Variants in HLCS observed in about 807,000 individuals in gnomAD.
HLCS encodes the protein biotin--protein ligase.
In HLCS, 53 loss-of-function variants were observed where a neutral mutation model predicts 75.0. The observed-to-expected ratio is 0.71, with a 90% CI of 0.57 to 0.89. The LOEUF (loss-of-function observed/expected upper bound fraction) is 0.89. HLCS is among the 40% of genes least tolerant of loss of function. The probability of loss-of-function intolerance (pLI) is 0.00; values close to 1 mark genes in which losing one functional copy is unlikely to be tolerated. For missense variants in HLCS, 966 were observed against 1,074.0 expected (o/e 0.90, Z 1.41); for synonymous variants, 431 against 428.6 (o/e 1.01, Z -0.07).
upstream of HLCS, among the ~76,000 whole-genome samples, chr21:36,970,584 G>T (rs1182920112): frequency 6.6e-6 from 1 of 152,084 alleles, no homozygotes; most frequent in Non-Finnish European, 1.5e-5. Flanking sequence ...GCCCAGGCTT[G>T]TCTCGAACTC....
intron 5 of HLCS, among the ~76,000 whole-genome samples, chr21:36,902,777 G>A (rs1240644727): frequency 1.3e-5 from 2 of 152,218 alleles, no homozygotes; most frequent in African/African-American, 4.8e-5. Context: ...GCAGCTGGAA[G>A]CATTTGAGCA....
At chr21:36,817,852 C>T (rs1009200745) in intron 6 of HLCS, among the ~76,000 whole-genome samples, 9 of 152,242 alleles carry the variant, frequency 5.9e-5, no homozygotes, top group African/African-American at 1.9e-4. Flanking sequence ...CGATCCTACA[C>T]ATCAAACCCT....
intron 1 of HLCS, 95 bp downstream of exon 1, chr21:36,966,349 C>A: frequency 5.1e-6 from 3 of 587,830 alleles, no homozygotes; most frequent in South Asian, 7.4e-5. Context: ...CTCCGGGGCT[C>A]CCGAACTCCC....
In HLCS at chr21:36,959,225, A is replaced by G. The variant is rs1230940851; in HGVS notation, c.330+2811T>C. ...CTCCCTGTGCCCGCTCTGATTCTGGAGCAAAATTGAAGCTGAGCCTGGGCG... is the reference window on the plus strand; with the variant it reads ...CTCCCTGTGCCCGCTCTGATTCTGGGGCAAAATTGAAGCTGAGCCTGGGCG... On this transcript the variant is annotated intron_variant, in intron 2 of 10. Coordinates refer to ENST00000674895, the MANE Select transcript of HLCS (RefSeq NM_001352514.2). Among the ~76,000 whole-genome samples, 3 of 152,156 alleles carry G rather than the reference A, an allele frequency of 2.0e-5. No individual in the cohort carries two copies. In the East Asian group the frequency reaches 5.8e-4, roughly 29 times the overall value.
In HLCS at chr21:36,888,444, AAATATATATATATATAT is replaced by A. The variant is rs1244915877; in HGVS notation, c.1892+8399_1892+8415del. 6.2e-3 allele frequency among the ~76,000 whole-genome samples: 158 copies of A among 25,520 alleles called. 7 individuals carry two copies. The highest frequency in any genetic ancestry group is 0.017 in the South Asian group (14 of 804). 16.7% of individuals were successfully genotyped at this position (25,520 alleles called of 152,430 possible). A position where few individuals can be genotyped will look rare whatever the true frequency, so the allele number is the denominator to read the frequency against. On this transcript the variant is annotated intron_variant, in intron 6 of 10. Coordinates refer to ENST00000674895, the MANE Select transcript of HLCS (RefSeq NM_001352514.2). ...CCCCCTTCCCATTTAAAAAAAAAAA[AAATATATATATATATAT>A]ATATATATATATATATATATATATA...
At chr21:36,958,253 A>AG (rs55813310) in intron 2 of HLCS, among the ~76,000 whole-genome samples, 4 of 135,938 alleles carry the variant, frequency 2.9e-5, no homozygotes, top group South Asian at 2.4e-4. Context: ...AAAAAAAAAA[A>AG]AAAGAAAGAA....
intron 6 of HLCS, among the ~76,000 whole-genome samples, chr21:36,778,718 A>G (rs538050419): frequency 5.3e-5 from 8 of 152,314 alleles, no homozygotes; most frequent in African/African-American, 1.9e-4. Context: ...TAATTTATTT[A>G]TATCAGAGTA....
intron 7 of HLCS, 121 bp from the exon 8 acceptor site, chr21:36,765,293 C>A (rs2089994124): frequency 1.1e-6 from 1 of 932,998 alleles, no homozygotes; most frequent in Non-Finnish European, 1.7e-6. Flanking sequence ...TATTGTATTA[C>A]AACGCTTATT....
At chr21:36,915,846 C>T (rs1008823396) in intron 5 of HLCS, among the ~76,000 whole-genome samples, 3 of 151,826 alleles carry the variant, frequency 2.0e-5, no homozygotes, top group Non-Finnish European at 4.4e-5. Flanking sequence ...TGCGGGCAGC[C>T]GCTCGGGCAG....
At chr21:36,972,641 C>T (rs1312000981) in intron 1 of HLCS, among the ~76,000 whole-genome samples, 1 of 152,154 alleles carries the variant, frequency 6.6e-6, no homozygotes. Flanking sequence ...TTGAAAGAAG[C>T]AAAGCCATAG....
At chr21:36,762,300 T>G (rs981566699) in intron 8 of HLCS, among the ~76,000 whole-genome samples, 2 of 151,990 alleles carry the variant, frequency 1.3e-5, no homozygotes. Context: ...AGAATGGCAC[T>G]GGAGCTGGGC....
chr21:36,791,261 C>T (rs1158355673), intron 6 of HLCS, among the ~76,000 whole-genome samples: 6 of 152,110 alleles, frequency 3.9e-5, no homozygotes, highest in African/African-American at 1.2e-4. Flanking sequence ...AACATGCAGA[C>T]CCCCACCCCT....
chr21:36,863,353 A>G (rs1050505125), intron 6 of HLCS, among the ~76,000 whole-genome samples: 4 of 152,112 alleles, frequency 2.6e-5, no homozygotes, highest in African/African-American at 9.7e-5. Context: ...ACTGAGAAGG[A>G]ATCAGATGGA....
At chr21:36,981,336 C>T (rs1302224162) in intron 1 of HLCS, among the ~76,000 whole-genome samples, 1 of 151,676 alleles carries the variant, frequency 6.6e-6, no homozygotes, top group Non-Finnish European at 1.5e-5. Flanking sequence ...TGTTACTCCT[C>T]CCTAATTCTG....
upstream of HLCS, among the ~76,000 whole-genome samples, chr21:36,967,435 A>C (rs2068655360): frequency 6.6e-6 from 1 of 152,204 alleles, no homozygotes; most frequent in Non-Finnish European, 1.5e-5. Flanking sequence ...ATGTGGGTCA[A>C]CAGTTTGACT....
chr21:36,760,204 G>A (rs2089777608), intron 8 of HLCS, among the ~76,000 whole-genome samples: 1 of 152,166 alleles, frequency 6.6e-6, no homozygotes, highest in African/African-American at 2.4e-5. Flanking sequence ...GGGCCAGAGG[G>A]TGGGGAGAGA....
intron 6 of HLCS, among the ~76,000 whole-genome samples, chr21:36,893,219 C>G (rs1466250422): frequency 6.6e-6 from 1 of 152,086 alleles, no homozygotes; most frequent in Non-Finnish European, 1.5e-5. Flanking sequence ...TACAGGAGTG[C>G]ACCACAACTG....
intron 1 of HLCS, among the ~76,000 whole-genome samples, chr21:36,979,211 G>C (rs998353508): frequency 6.6e-6 from 1 of 151,382 alleles, no homozygotes; most frequent in African/African-American, 2.4e-5. Context: ...GGCGGAGCTT[G>C]CAGTGAGCCA....
intron 5 of HLCS, among the ~76,000 whole-genome samples, chr21:36,929,161 A>G (rs1370888177): frequency 6.6e-6 from 1 of 152,262 alleles, no homozygotes; most frequent in Non-Finnish European, 1.5e-5. Flanking sequence ...TCTGTCCAAG[A>G]GTCCGGAGGT....
Sources: allele counts gnomAD v4.1 joint callset (sites outside exome capture counted in the v4.1 genomes callset), GRCh38; gene constraint gnomAD v4.1.1; transcripts MANE v1.5; gene names NCBI Gene and HGNC (gene_info 2026-07-23, HGNC 2026-07-21).